HEG1: variants seen among roughly 807,000 people sequenced by gnomAD.
The protein encoded by HEG1 is protein HEG homolog 1.
In HEG1, 56 loss-of-function variants were observed where a neutral mutation model predicts 125.6. The observed-to-expected ratio is 0.45, with a 90% CI of 0.36 to 0.56. The LOEUF (loss-of-function observed/expected upper bound fraction) is 0.56. Among genes scored for constraint, HEG1 ranks in the 20% least tolerant of loss-of-function variants. The probability of loss-of-function intolerance (pLI) is 0.00; values close to 1 mark genes in which losing one functional copy is unlikely to be tolerated. For missense variants in HEG1, 1,523 were observed against 1,670.0 expected, an observed-to-expected ratio of 0.91 and a Z score of 1.53; for synonymous variants, 644 against 668.5, an observed-to-expected ratio of 0.96 and a Z score of 0.57.
chr3:125,034,634 C>T (rs183787159), intron 1 of HEG1, among the ~76,000 whole-genome samples: 45 of 151,912 alleles, frequency 3.0e-4, no homozygotes, highest in Non-Finnish European at 4.6e-4. Context: ...CTTGTCTCTA[C>T]AAAAAAATAA....
At chr3:124,971,052 GT>G (rs1425778393) in intron 16 of HEG1, 1 of 586,096 alleles carries the variant, frequency 1.7e-6, no homozygotes, top group African/African-American at 1.8e-5. Flanking sequence ...CCTTTATAAG[GT>G]CCTACGACCA....
Position 125,021,037 on chromosome 3 carries a change from G to A in HEG1, c.1007C>T (p.Thr336Ile). 1 of 1,612,234 alleles carries A rather than the reference G, an allele frequency of 6.2e-7. No individual in the cohort carries two copies. The highest frequency in any genetic ancestry group is 8.5e-7 in the Non-Finnish European group (1 of 1,179,124). The change falls in exon 4 of 17, where the codon ACT (threonine) becomes ATT (isoleucine). Residue 336 changes from threonine to isoleucine, a missense_variant. By Grantham distance (89) the Thr-to-Ile change is moderately conservative. Coordinates refer to ENST00000311127, the MANE Select transcript of HEG1 (RefSeq NM_020733.2). ...TCGCAGCGTTCTCGGGCCACCATCAGTGAACACGGTGGCAACATGCATTGT... is the reference window on the plus strand; with the variant it reads ...TCGCAGCGTTCTCGGGCCACCATCAATGAACACGGTGGCAACATGCATTGT... ...TKTMHVATVF[T>I]DGGPRTLRSL...
chr3:124,970,534 C>T lies in HEG1; in HGVS notation c.*118G>A. On this transcript the variant is annotated 3_prime_UTR_variant, in exon 17 of 17. Coordinates refer to ENST00000311127, the MANE Select transcript of HEG1 (RefSeq NM_020733.2). The stretch of plus-strand genomic sequence containing the variant: ...CACGCCCCGCATGCCTGTCCCTCTT[C>T]CTGCTTGCCACTCAGCGTGGCTCCC... 1.2e-6 allele frequency: 1 copy of T among 856,532 alleles called. No homozygotes were observed. The highest frequency in any genetic ancestry group is 1.7e-5 in the African/African-American group (1 of 58,814). The allele number at this position is 856,532 out of a possible 1,614,324, so 53.1% of individuals were successfully genotyped here.
In HEG1 at chr3:125,034,129, G is replaced by A. The variant is rs532447035; in HGVS notation, c.317-4641C>T. ...GATAGTGCCTCCAGGTACCTGTATT[G>A]TGTAGACACAAATACAAATGCTCTC... On this transcript the variant is annotated intron_variant, in intron 1 of 16. Coordinates refer to ENST00000311127, the MANE Select transcript of HEG1 (RefSeq NM_020733.2). Among the ~76,000 whole-genome samples, 32 of 47,084 alleles carry A rather than the reference G, an allele frequency of 6.8e-4. 1 individual carries two copies. In the South Asian group the frequency reaches 0.026, roughly 39 times the overall value. The allele number at this position is 47,084 out of a possible 152,430, so 30.9% of individuals were successfully genotyped here. A position where few individuals can be genotyped will look rare whatever the true frequency, so the allele number is the denominator to read the frequency against.
chr3:125,034,043 G>A (rs899944277), intron 1 of HEG1, among the ~76,000 whole-genome samples: 5 of 148,914 alleles, frequency 3.4e-5, no homozygotes, highest in African/African-American at 1.2e-4. Context: ...GACCACTGAT[G>A]TAAATTATAT....
At chr3:125,041,456 T>C (rs1003202742) in intron 1 of HEG1, among the ~76,000 whole-genome samples, 2 of 152,188 alleles carry the variant, frequency 1.3e-5, no homozygotes, top group African/African-American at 2.4e-5. Context: ...GGAAAAGAAA[T>C]GCTGGCGAGG....
chr3:124,988,213 C>T (rs1054248396), intron 14 of HEG1, among the ~76,000 whole-genome samples: 1 of 151,844 alleles, frequency 6.6e-6, no homozygotes, highest in Admixed American at 6.6e-5. Flanking sequence ...GTAGACCAGG[C>T]AGCCCCTTTA....
intron 12 of HEG1, among the ~76,000 whole-genome samples, chr3:124,992,607 G>A (rs1389353706): frequency 6.6e-6 from 1 of 152,218 alleles, no homozygotes. Context: ...GGGGCAGGGG[G>A]CTGGCGAGTG....
At chr3:125,052,296 C>T (rs1163683145) in intron 1 of HEG1, among the ~76,000 whole-genome samples, 1 of 152,198 alleles carries the variant, frequency 6.6e-6, no homozygotes. Context: ...GCCCGCTGCA[C>T]CTTGTAATGG....
chr3:125,019,544 T>C lies in HEG1; in HGVS notation c.1306A>G (p.Met436Val), dbSNP rs751829674. 10 of 1,612,166 alleles carry C rather than the reference T, an allele frequency of 6.2e-6. No individual in the cohort carries two copies. Among genetic ancestry groups the C allele is most frequent in the Non-Finnish European group, 8.5e-6 (10 of 1,178,338 alleles). ...CTAGACACAGTCTCAGTCTGAGACA[T>C]GGGACTTCCATTTTGCACCTCAGAG... The part of the protein sequence containing the change: ...SSSEVQNGSP[M>V]SQTETVSRSV... Residue 436 changes from methionine to valine, a missense_variant, in exon 5 of 17, where the codon ATG becomes GTG. Met to Val is a conservative substitution (Grantham distance 21). Coordinates refer to ENST00000311127, the MANE Select transcript of HEG1 (RefSeq NM_020733.2).
At chr3:125,018,742 A>C (rs1937289602) in intron 5 of HEG1, among the ~76,000 whole-genome samples, 1 of 152,134 alleles carries the variant, frequency 6.6e-6, no homozygotes, top group Admixed American at 6.5e-5. Context: ...ACAGCTTCTC[A>C]GAGATGTACC....
At chr3:124,979,217 G>A (rs1299420435) in intron 14 of HEG1, among the ~76,000 whole-genome samples, 1 of 152,102 alleles carries the variant, frequency 6.6e-6, no homozygotes, top group Non-Finnish European at 1.5e-5. Context: ...CTCCCAAAGT[G>A]CTGGGATTAC....
intron 3 of HEG1, among the ~76,000 whole-genome samples, chr3:125,025,013 T>C (rs895256752): frequency 9.2e-5 from 14 of 152,220 alleles, no homozygotes; most frequent in Non-Finnish European, 1.3e-4. Context: ...TTTGCTTTTG[T>C]TTTTCCAGAG....
At chr3:125,007,122 C>G (rs1579413036) in intron 8 of HEG1, among the ~76,000 whole-genome samples, 1 of 149,066 alleles carries the variant, frequency 6.7e-6, no homozygotes, top group East Asian at 2.0e-4. Context: ...TGGCGTGAAC[C>G]CGGGAGGCGG....
intron 16 of HEG1, among the ~76,000 whole-genome samples, chr3:124,973,489 G>T (rs1936481912): frequency 6.6e-6 from 1 of 152,158 alleles, no homozygotes; most frequent in Admixed American, 6.5e-5. Context: ...GTAACAAGAG[G>T]GTTACTGCTA....
rs367612695 is a variant in HEG1, at chr3:125,013,094, G to C, written c.2485C>G (p.Pro829Ala). ...LTESSTEQTL[P>A]ATSTNLAQMS... ...TGTGCTAAGTTGGTGCTTGTGGCTGGAAGGGTTTGCTCTGTGGAGGACTCT... is the reference window on the plus strand; with the variant it reads ...TGTGCTAAGTTGGTGCTTGTGGCTGCAAGGGTTTGCTCTGTGGAGGACTCT... The change falls in exon 6 of 17, where the codon CCA becomes GCA. Residue 829 changes from proline to alanine, a missense_variant. Coordinates refer to ENST00000311127, the MANE Select transcript of HEG1 (RefSeq NM_020733.2). 1.6e-5 allele frequency: 26 copies of C among 1,613,926 alleles called. No individual in the cohort carries two copies. Among genetic ancestry groups the C allele is most frequent in the Non-Finnish European group, 2.2e-5 (26 of 1,179,906 alleles).
At chr3:125,028,750 G>A (rs1937453352) in intron 2 of HEG1, among the ~76,000 whole-genome samples, 1 of 152,100 alleles carries the variant, frequency 6.6e-6, no homozygotes, top group South Asian at 2.1e-4. Flanking sequence ...CTTCCTCCGT[G>A]CAATTTTACC....
At chr3:125,028,633 C>A (rs923797633) in intron 2 of HEG1, among the ~76,000 whole-genome samples, 1 of 152,154 alleles carries the variant, frequency 6.6e-6, no homozygotes, top group African/African-American at 2.4e-5. Flanking sequence ...TTTCCAAATG[C>A]CTAAAAGGAG....
intron 15 of HEG1, 69 bp downstream of exon 15, chr3:124,977,790 G>C (rs781322169): frequency 2.5e-5 from 25 of 982,044 alleles, no homozygotes; most frequent in Non-Finnish European, 3.9e-5. Flanking sequence ...TCCTGTAAAA[G>C]AATACAAACT....
Sources: gnomAD v4.1 joint callset for allele counts (sites outside exome capture counted in the v4.1 genomes callset) on GRCh38, gnomAD v4.1.1 for gene constraint, MANE v1.5 for transcripts, NCBI Gene and HGNC (gene_info 2026-07-23, HGNC 2026-07-21) for gene names.